Variants in GATAD2B observed in about 807,000 individuals in gnomAD.
The protein encoded by GATAD2B is transcriptional repressor p66-beta.
A neutral mutation model predicts 64.3 loss-of-function variants in GATAD2B; 8 were observed. The ratio of observed to expected loss-of-function variants is 0.12; its 90% confidence interval spans 0.07 to 0.22. The LOEUF (loss-of-function observed/expected upper bound fraction) is 0.22. Ranked by LOEUF, GATAD2B falls within the 10% of genes least tolerant of loss-of-function variation. GATAD2B has a pLI of 1.00. For synonymous variants in GATAD2B, 281 were observed against 271.3 expected, an observed-to-expected ratio of 1.04 and a Z score of -0.35; for missense variants, 453 against 752.0, an observed-to-expected ratio of 0.60 and a Z score of 4.65.
At chr1:153,821,679 G>A (rs1253173838) in intron 2 of GATAD2B, among the ~76,000 whole-genome samples, 2 of 151,914 alleles carry the variant, frequency 1.3e-5, no homozygotes, top group Admixed American at 6.6e-5. Context: ...TGATTCTCCT[G>A]CCTCAGCCTC....
chr1:153,872,627 T>G (rs1676707152), intron 1 of GATAD2B, among the ~76,000 whole-genome samples: 1 of 151,926 alleles, frequency 6.6e-6, no homozygotes. Flanking sequence ...TTTCCAAAAT[T>G]CTCATTTTTG....
chr1:153,846,200 T>C (rs912876045), intron 1 of GATAD2B, among the ~76,000 whole-genome samples: 1 of 152,152 alleles, frequency 6.6e-6, no homozygotes, highest in Non-Finnish European at 1.5e-5. Flanking sequence ...TCTACCATCT[T>C]CTGTTCTATT....
At position 153,828,159 on chromosome 1, in the gene GATAD2B, T is replaced by A. The variant is rs771860843; in HGVS notation, c.189A>T (p.Leu63Phe). 1 of 1,614,210 alleles carries A rather than the reference T, an allele frequency of 6.2e-7. No homozygotes were observed. Among genetic ancestry groups the A allele is most frequent in the Non-Finnish European group, 8.5e-7 (1 of 1,180,034 alleles). Residue 63 changes from leucine (L) to phenylalanine (F), a missense_variant, in exon 2 of 11, where the codon TTA becomes TTT. Coordinates refer to ENST00000368655, the MANE Select transcript of GATAD2B (RefSeq NM_020699.4). ...DLANLEVPHE[L>F]PTKQDGSGVK... ...CACCACTGCCATCCTGTTTGGTGGG[T>A]AACTCATGTGGCACCTCAAGATTTG...
intron 1 of GATAD2B, among the ~76,000 whole-genome samples, chr1:153,888,052 A>G (rs894286910): frequency 6.6e-6 from 1 of 151,246 alleles, no homozygotes; most frequent in Non-Finnish European, 1.5e-5. Context: ...GCGCCACTGC[A>G]CTCCAGCCTG....
At chr1:153,825,717 T>TA (rs1479507611) in intron 2 of GATAD2B, among the ~76,000 whole-genome samples, 2 of 151,882 alleles carry the variant, frequency 1.3e-5, no homozygotes, top group African/African-American at 4.8e-5. Context: ...AGCCACCGCT[T>TA]ACTAAGAGTT....
intron 1 of GATAD2B, among the ~76,000 whole-genome samples, chr1:153,911,491 T>C (rs779655630): frequency 7.9e-5 from 12 of 152,270 alleles, no homozygotes; most frequent in Middle Eastern, 3.4e-3. Context: ...TCCCAGCACT[T>C]TGGGAGGCCG....
chr1:153,913,813 G>A (rs1031486099), intron 1 of GATAD2B, among the ~76,000 whole-genome samples: 6 of 152,052 alleles, frequency 3.9e-5, no homozygotes, highest in East Asian at 1.9e-4. Context: ...TCAGCCACTC[G>A]GGAGGCTGAG....
intron 1 of GATAD2B, chr1:153,886,565 T>C: frequency 6.8e-6 from 1 of 147,456 alleles, no homozygotes; most frequent in Admixed American, 6.9e-5. Flanking sequence ...TCTCGCTCTG[T>C]CGCCCAGGCT....
intron 1 of GATAD2B, chr1:153,922,063 C>T (rs1488928966): frequency 6.6e-6 from 1 of 152,294 alleles, no homozygotes; most frequent in African/African-American, 2.4e-5. Context: ...TAAGTGCCCA[C>T]ATAGCCTGAG....
intron 1 of GATAD2B, among the ~76,000 whole-genome samples, chr1:153,906,759 T>C (rs2101965105): frequency 6.6e-6 from 1 of 152,080 alleles, no homozygotes; most frequent in East Asian, 1.9e-4. Context: ...TGGATTAAAA[T>C]CCAGAATATA....
At chr1:153,903,623 G>T (rs1383760158) in intron 1 of GATAD2B, among the ~76,000 whole-genome samples, 1 of 152,132 alleles carries the variant, frequency 6.6e-6, no homozygotes, top group African/African-American at 2.4e-5. Flanking sequence ...CAGAATTTCT[G>T]TTAACAGGAC....
chr1:153,848,056 A>G (rs552678132), intron 1 of GATAD2B, among the ~76,000 whole-genome samples: 6 of 152,192 alleles, frequency 3.9e-5, no homozygotes, highest in Admixed American at 6.5e-5. Context: ...CCTTTAATAA[A>G]TTCCCCAGTT....
At chr1:153,920,840 C>G (rs978553424) in intron 1 of GATAD2B, among the ~76,000 whole-genome samples, 1 of 152,156 alleles carries the variant, frequency 6.6e-6, no homozygotes, top group Non-Finnish European at 1.5e-5. Context: ...TGCCACTGGA[C>G]TAAAAAAACT....
intron 2 of GATAD2B, among the ~76,000 whole-genome samples, chr1:153,824,637 A>AAT (rs60362170): frequency 6.8e-6 from 1 of 146,458 alleles, no homozygotes; most frequent in African/African-American, 2.5e-5. Context: ...AAAAAAAAAA[A>AAT]GTTGGGTTTT....
At chr1:153,843,939 TG>T (rs1260717773) in intron 1 of GATAD2B, among the ~76,000 whole-genome samples, 1 of 151,906 alleles carries the variant, frequency 6.6e-6, no homozygotes, top group African/African-American at 2.4e-5. Flanking sequence ...GCTCTACAAC[TG>T]GCCTGGCTTA....
chr1:153,903,871 C>G (rs968156850), intron 1 of GATAD2B, among the ~76,000 whole-genome samples: 2 of 152,138 alleles, frequency 1.3e-5, no homozygotes, highest in African/African-American at 4.8e-5. Flanking sequence ...GTGGTCCCAG[C>G]TACTTGAGAG....
At chr1:153,848,597 T>C (rs1048247146) in intron 1 of GATAD2B, among the ~76,000 whole-genome samples, 3 of 152,220 alleles carry the variant, frequency 2.0e-5, no homozygotes, top group East Asian at 1.9e-4. Context: ...TTGATATTCC[T>C]AGCTGTCATT....
intron 1 of GATAD2B, among the ~76,000 whole-genome samples, chr1:153,909,947 CAAAAAAA>C (rs34780134): frequency 9.9e-6 from 1 of 101,108 alleles, no homozygotes; most frequent in Non-Finnish European, 2.0e-5. Flanking sequence ...GACTCCATCT[CAAAAAAA>C]AAAAAAAAAA....
Position 153,878,772 on chromosome 1 carries a change from T to TC in GATAD2B, c.-2+43960dup, listed in dbSNP as rs1396622693. On this transcript the variant is annotated intron_variant, in intron 1 of 10. Transcript: ENST00000368655. ...TGTAACAGTGTGACCCATACTTTAT[T>TC]CCTTTTTTTTTTTTTTTTTTTTTGA... Among the ~76,000 whole-genome samples the TC allele has an allele frequency of 2.5e-5, 3 of 117,996 alleles. 1 individual carries two copies. The highest frequency in any genetic ancestry group is 8.2e-3 in the Middle Eastern group (2 of 244). The allele number at this position is 117,996 out of a possible 152,430, so 77.4% of individuals were successfully genotyped here.
Sources: allele counts gnomAD v4.1 joint callset (sites outside exome capture counted in the v4.1 genomes callset), GRCh38; gene constraint gnomAD v4.1.1; transcripts MANE v1.5; gene names NCBI Gene and HGNC (gene_info 2026-07-23, HGNC 2026-07-21).